The following PTPRC variants were observed in gnomAD, a reference collection of about 807,000 sequenced individuals.
PTPRC encodes receptor-type tyrosine-protein phosphatase C.
A neutral mutation model predicts 155.9 loss-of-function variants in PTPRC; 44 were observed. The ratio of observed to expected loss-of-function variants is 0.28; its 90% CI spans 0.22 to 0.36. The LOEUF (loss-of-function observed/expected upper bound fraction) is 0.36, where lower values mean the gene tolerates loss of function less well. Ranked by LOEUF, PTPRC falls within the 10% of genes least tolerant of loss-of-function variation. The pLI, the probability that PTPRC is intolerant of heterozygous loss-of-function variation, is 1.00. For synonymous variants in PTPRC, 525 were observed against 533.1 expected (o/e 0.98, Z 0.21); for missense variants, 1,401 against 1,564.6 (o/e 0.90, Z 1.76).
At chr1:198,746,508 T>C (rs1176396134) in intron 26 of PTPRC, among the ~76,000 whole-genome samples, 3 of 150,722 alleles carry the variant, frequency 2.0e-5, no homozygotes, top group Non-Finnish European at 4.4e-5. Flanking sequence ...GAGAAGATGA[T>C]TAAGATAAAT....
At chr1:198,694,917 T>G in intron 3 of PTPRC, 6 of 978,056 alleles carry the variant, frequency 6.1e-6, no homozygotes, top group Non-Finnish European at 6.1e-6. Flanking sequence ...TTGGCTATGC[T>G]GGCATGTCAT....
At chr1:198,692,300 G>T (rs1571839014) in intron 2 of PTPRC, 47 bp from the exon 3 acceptor site, 1 of 1,399,866 alleles carries the variant, frequency 7.1e-7, no homozygotes, top group Non-Finnish European at 9.7e-7. Context: ...ACATTAATAT[G>T]AATGAAATTT....
At chr1:198,750,401 C>T (rs1352971207) in intron 28 of PTPRC, 91 bp from the exon 29 acceptor site, 3 of 1,372,694 alleles carry the variant, frequency 2.2e-6, no homozygotes, top group Middle Eastern at 1.8e-4. Context: ...GCATTGATAT[C>T]AAACTGACTA....
intron 16 of PTPRC, among the ~76,000 whole-genome samples, 191 bp from the exon 17 acceptor site, chr1:198,728,946 C>T (rs1212196430): frequency 6.6e-6 from 1 of 151,926 alleles, no homozygotes; most frequent in Non-Finnish European, 1.5e-5. Context: ...TTCTCCCATC[C>T]TTCTGTCCTC....
At chr1:198,681,548 A>G (rs1665327845) in intron 2 of PTPRC, among the ~76,000 whole-genome samples, 1 of 152,160 alleles carries the variant, frequency 6.6e-6, no homozygotes, top group Non-Finnish European at 1.5e-5. Flanking sequence ...ATATTTTATC[A>G]TTTCATTATC....
intron 14 of PTPRC, 104 bp downstream of exon 14, chr1:198,718,406 G>A: frequency 3.1e-6 from 3 of 972,502 alleles, no homozygotes; most frequent in South Asian, 1.4e-5. Flanking sequence ...AGATTGAGAA[G>A]CTCTGATGTG....
intron 2 of PTPRC, chr1:198,680,127 G>T: frequency 2.4e-6 from 1 of 411,880 alleles, no homozygotes; most frequent in Non-Finnish European, 4.3e-6. Context: ...CTGAAAACTA[G>T]CCAGGGAAGC....
intron 9 of PTPRC, among the ~76,000 whole-genome samples, chr1:198,707,758 T>C (rs1056471902): frequency 6.6e-6 from 1 of 152,126 alleles, no homozygotes; most frequent in Non-Finnish European, 1.5e-5. Context: ...ATAATAATCA[T>C]TCAATTAAAA....
intron 15 of PTPRC, among the ~76,000 whole-genome samples, chr1:198,724,640 T>C (rs1654043668): frequency 6.6e-6 from 1 of 152,088 alleles, no homozygotes; most frequent in South Asian, 2.1e-4. Flanking sequence ...TGTCTTATTT[T>C]CCTGAATCCA....
intron 2 of PTPRC, among the ~76,000 whole-genome samples, chr1:198,664,899 T>C (rs1411841970): frequency 6.6e-6 from 1 of 152,140 alleles, no homozygotes; most frequent in Non-Finnish European, 1.5e-5. Context: ...GATACTCCCA[T>C]ATTAAAAATG....
chr1:198,671,152 C>T (rs1158186751), intron 2 of PTPRC, among the ~76,000 whole-genome samples: 4 of 144,712 alleles, frequency 2.8e-5, no homozygotes, highest in Non-Finnish European at 6.1e-5. Flanking sequence ...TCCCAGTCTA[C>T]ACTCTCACTT....
At chr1:198,672,056 T>C (rs1433136640) in intron 2 of PTPRC, among the ~76,000 whole-genome samples, 2 of 152,152 alleles carry the variant, frequency 1.3e-5, no homozygotes, top group Non-Finnish European at 2.9e-5. Flanking sequence ...TTCCATTGGG[T>C]TTTGCTTTTT....
intron 2 of PTPRC, among the ~76,000 whole-genome samples, chr1:198,669,365 C>A (rs1664514607): frequency 6.6e-6 from 1 of 152,182 alleles, no homozygotes; most frequent in South Asian, 2.1e-4. Flanking sequence ...CCCACCTGCA[C>A]CCAATGTCCT....
chr1:198,699,795 T>G, intron 5 of PTPRC, 91 bp downstream of exon 5: 1 of 1,531,164 alleles, frequency 6.5e-7, no homozygotes, highest in Non-Finnish European at 9.0e-7. Context: ...AACCACTTAT[T>G]CAATGTGCAG....
In PTPRC at chr1:198,756,375, C is replaced by CTTA. The variant is rs1336066265; in HGVS notation, c.*197_*199dup. 17 of 720,600 alleles carry CTTA rather than the reference C, an allele frequency of 2.4e-5. No individual in the cohort carries two copies. Among genetic ancestry groups the CTTA allele is most frequent in the Middle Eastern group, 3.9e-4 (1 of 2,540 alleles). The allele number at this position is 720,600 out of a possible 1,614,324, so 44.6% of individuals were successfully genotyped here. A position where few individuals can be genotyped will look rare whatever the true frequency, so the allele number is the denominator to read the frequency against. ...CCAGAACAGTTTGTACAGACGTATG[C>CTTA]TTATTTTAAAATTTTATCTCTTATT... is the stretch of plus-strand genomic sequence containing the variant. On this transcript the variant is annotated 3_prime_UTR_variant, in exon 33 of 33. Coordinates refer to ENST00000442510, the MANE Select transcript of PTPRC (RefSeq NM_002838.5).
chr1:198,736,358 G>T (rs904440164), intron 23 of PTPRC, among the ~76,000 whole-genome samples: 1 of 151,350 alleles, frequency 6.6e-6, no homozygotes, highest in African/African-American at 2.4e-5. Context: ...CAATCCTTTG[G>T]TAACCATCAT....
intron 2 of PTPRC, among the ~76,000 whole-genome samples, chr1:198,682,936 A>G (rs1413040323): frequency 1.3e-5 from 2 of 152,162 alleles, no homozygotes; most frequent in African/African-American, 4.8e-5. Flanking sequence ...TATACATAAT[A>G]TTTACTCATT....
At chr1:198,743,974 G>A (rs768778097) in intron 25 of PTPRC, 80 bp from the exon 26 acceptor site, 6 of 1,350,820 alleles carry the variant, frequency 4.4e-6, no homozygotes, top group Non-Finnish European at 5.3e-6. Context: ...AATTTATGGG[G>A]AATGTATATT....
rs559482401 is a variant in PTPRC, at chr1:198,715,671, ATC to A, written c.1292-1005_1292-1004del. 2.1e-3 allele frequency among the ~76,000 whole-genome samples: 320 copies of A among 152,160 alleles called. 1 individual carries two copies. Among genetic ancestry groups the A allele is most frequent in the Middle Eastern group, 0.017 (5 of 294 alleles). ...AAAAAAAAACAGAACAAATTGCTTA[ATC>A]TCTCTGTGGCTCAGTTTTGTCATCT... On this transcript the variant is annotated intron_variant, in intron 12 of 32. Transcript: ENST00000442510.
Sources: allele counts gnomAD v4.1 joint callset (sites outside exome capture counted in the v4.1 genomes callset), GRCh38; gene constraint gnomAD v4.1.1; transcripts MANE v1.5; gene names NCBI Gene and HGNC (gene_info 2026-07-23, HGNC 2026-07-21).